The following CD300LD variants were observed in gnomAD, a reference collection of about 807,000 sequenced individuals.
CD300LD encodes CMRF35-like molecule 5.
A neutral mutation model predicts 20.3 loss-of-function variants in CD300LD; 18 were observed. That is an observed-to-expected ratio of 0.89 (90% CI 0.61 to 1.32). The LOEUF (loss-of-function observed/expected upper bound fraction) is 1.32, where lower values mean the gene tolerates loss of function less well. Ranked by LOEUF, CD300LD falls within the 40% of genes most tolerant of loss-of-function variation. The pLI is 0.00. For synonymous variants in CD300LD, 104 were observed against 90.1 expected, an observed-to-expected ratio of 1.15 and a Z score of -0.87; for missense variants, 195 against 226.6, an observed-to-expected ratio of 0.86 and a Z score of 0.90.
intron 2 of CD300LD, among the ~76,000 whole-genome samples, chr17:74,586,503 C>A (rs1338988877): frequency 6.6e-6 from 1 of 152,078 alleles, no homozygotes; most frequent in Non-Finnish European, 1.5e-5. Context: ...AGAATGGCAC[C>A]CCCCTGTCGG....
chr17:74,582,141 G>T, intron 3 of CD300LD, 77 bp downstream of exon 3: 2 of 1,162,060 alleles, frequency 1.7e-6, no homozygotes, highest in Non-Finnish European at 2.5e-6. Context: ...TGCTATTGTT[G>T]TATCTGGCAA....
chr17:74,586,799 C>G (rs1459920123), intron 2 of CD300LD, among the ~76,000 whole-genome samples: 3 of 152,106 alleles, frequency 2.0e-5, no homozygotes, highest in Non-Finnish European at 4.4e-5. Context: ...TTACCTTAGT[C>G]CCAGGAGTTA....
intron 2 of CD300LD, among the ~76,000 whole-genome samples, chr17:74,584,117 A>G (rs1598128440): frequency 6.6e-6 from 1 of 152,180 alleles, no homozygotes; most frequent in African/African-American, 2.4e-5. Context: ...TGCTATTACA[A>G]ATAAAGCTGC....
chr17:74,584,133 A>G (rs192745821), intron 2 of CD300LD, among the ~76,000 whole-genome samples: 2 of 152,326 alleles, frequency 1.3e-5, no homozygotes, highest in African/African-American at 4.8e-5. Flanking sequence ...GCTGCTATGA[A>G]CATTCACATA....
chr17:74,581,313 G>A (rs1187988598), intron 3 of CD300LD, among the ~76,000 whole-genome samples: 1 of 152,160 alleles, frequency 6.6e-6, no homozygotes, highest in African/African-American at 2.4e-5. Flanking sequence ...AGACCTTGAG[G>A]AGTAGTTCCA....
At position 74,588,506 on chromosome 17, in the gene CD300LD, CT is replaced by C. The variant is rs772670006; in HGVS notation, c.379+4del. 1.1e-5 allele frequency: 18 copies of C among 1,596,304 alleles called. No individual in the cohort carries two copies. The African/African-American group carries it at 2.4e-4, about 21-fold the overall frequency. On this transcript the variant is annotated splice_donor_region_variant and intron_variant, in intron 2 of 3. Transcript: ENST00000375352. ...AGACACACACGTATATACACTCCCTCTTACCTGGGTTAATGGTCACTTGAAC... is the reference window on the plus strand; with the variant it reads ...AGACACACACGTATATACACTCCCTCTACCTGGGTTAATGGTCACTTGAAC...
intron 2 of CD300LD, among the ~76,000 whole-genome samples, chr17:74,583,663 T>C (rs762863629): frequency 3.0e-4 from 45 of 152,334 alleles, no homozygotes; most frequent in Non-Finnish European, 4.1e-4. Context: ...CTGGTTTCTT[T>C]CACTCAGCAT....
At chr17:74,583,749 CTTTTT>C (rs34787485) in intron 2 of CD300LD, among the ~76,000 whole-genome samples, 5 of 98,028 alleles carry the variant, frequency 5.1e-5, no homozygotes, top group African/African-American at 1.3e-4. Flanking sequence ...GAGTATTTCA[CTTTTT>C]TTTTTTTTTT....
At chr17:74,590,633 T>A (rs2030288296) in intron 1 of CD300LD, 1 of 151,994 alleles carries the variant, frequency 6.6e-6, no homozygotes, top group Non-Finnish European at 1.5e-5. Context: ...TTCTATGGCA[T>A]CTGAAGGGAA....
intron 1 of CD300LD, among the ~76,000 whole-genome samples, chr17:74,590,041 A>G (rs896563905): frequency 1.3e-5 from 2 of 152,108 alleles, no homozygotes; most frequent in African/African-American, 4.8e-5. Flanking sequence ...CCTCACCCAA[A>G]TCTCATCTTG....
intron 1 of CD300LD, chr17:74,590,460 A>G (rs2030284104): frequency 6.6e-6 from 1 of 152,050 alleles, no homozygotes; most frequent in Non-Finnish European, 1.5e-5. Context: ...TATTATTATT[A>G]TTATTACCCC....
Position 74,580,129 on chromosome 17 carries a change from G to A in CD300LD, c.474-16C>T, listed in dbSNP as rs748647209. 2 of 1,549,934 alleles carry A rather than the reference G, an allele frequency of 1.3e-6. No homozygotes were observed. The highest frequency in any genetic ancestry group is 4.6e-5 in the East Asian group (2 of 43,872). ...GAGCGGGGACCTGTGGGAACACGGT[G>A]ACAGGAAATGAGCTGCCTCCTGGGT... On this transcript the variant is annotated splice_polypyrimidine_tract_variant and intron_variant, in intron 3 of 3. Transcript: ENST00000375352.
rs1210132799 is a variant in CD300LD at position 74,591,250 on chromosome 17, CA to C, written c.40+912del. On this transcript the variant is annotated intron_variant, in intron 1 of 3. Transcript: ENST00000375352. ...GCATGAAAGTGAGTCCTCATCTCTA[CA>C]AAAAAAAAAAAAATAAAAATAATAA... Among the ~76,000 whole-genome samples the C allele has an allele frequency of 1.3e-3, 44 of 33,892 alleles. 1 individual carries two copies. The highest frequency in any genetic ancestry group is 1.0e-2 in the South Asian group (12 of 1,202). 22.2% of individuals were successfully genotyped at this position (33,892 alleles called of 152,430 possible). A position where few individuals can be genotyped will look rare whatever the true frequency, so the allele number is the denominator to read the frequency against.
chr17:74,588,347 C>G (rs1279864222), intron 2 of CD300LD, among the ~76,000 whole-genome samples, 164 bp downstream of exon 2: 11 of 152,198 alleles, frequency 7.2e-5, no homozygotes, highest in Non-Finnish European at 1.5e-4. Context: ...AGTTTCAACA[C>G]GAGTTTTGGA....
intron 1 of CD300LD, 85 bp downstream of exon 1, chr17:74,592,078 C>T (rs68124408): frequency 0.013 from 20,905 of 1,612,762 alleles, 593 homozygotes; most frequent in African/African-American, 0.094. Flanking sequence ...TTTTCCCTGA[C>T]ATGTCTCCTT....
At position 74,579,989 on chromosome 17, in the gene CD300LD, G is replaced by T; in HGVS notation, c.*13C>A. 1.9e-6 allele frequency: 3 copies of T among 1,574,062 alleles called. No individual in the cohort carries two copies. The highest frequency in any genetic ancestry group is 1.1e-5 in the South Asian group (1 of 89,166). On this transcript the variant is annotated 3_prime_UTR_variant, in exon 4 of 4. Coordinates refer to ENST00000375352, the MANE Select transcript of CD300LD (RefSeq NM_001115152.2). The stretch of plus-strand genomic sequence containing the variant: ...GCATTGGGACTCTCATCATCGGGCT[G>T]ACTCCTCCTCCTTCAAGACCTTCTT...
chr17:74,580,177 C>G (rs2030002225), intron 3 of CD300LD, 64 bp from the exon 4 acceptor site: 1 of 1,061,902 alleles, frequency 9.4e-7, no homozygotes, highest in Admixed American at 2.0e-5. Context: ...GTCTTCTCAG[C>G]TCTATGCCCA....
At chr17:74,589,748 G>A (rs946241796) in intron 1 of CD300LD, among the ~76,000 whole-genome samples, 3 of 152,336 alleles carry the variant, frequency 2.0e-5, no homozygotes, top group Admixed American at 6.5e-5. Context: ...CTAAAGAAAC[G>A]ATTGATTTTG....
intron 2 of CD300LD, among the ~76,000 whole-genome samples, chr17:74,584,032 G>A (rs1345905232): frequency 3.3e-5 from 5 of 152,012 alleles, no homozygotes; most frequent in African/African-American, 1.2e-4. Flanking sequence ...TGGGATTACA[G>A]GCGTGAACCA....
Sources: gnomAD v4.1 joint callset for allele counts (sites outside exome capture counted in the v4.1 genomes callset) on GRCh38, gnomAD v4.1.1 for gene constraint, MANE v1.5 for transcripts, NCBI Gene and HGNC (gene_info 2026-07-23, HGNC 2026-07-21) for gene names.